The following STK17B variants were observed in gnomAD, a reference collection of about 807,000 sequenced individuals.
STK17B encodes the protein serine/threonine-protein kinase 17B.
STK17B carries 21 observed loss-of-function variants against 42.0 expected under a neutral mutation model. The ratio of observed to expected loss-of-function variants is 0.50; its 90% CI spans 0.35 to 0.72. STK17B has a LOEUF of 0.72. Among genes scored for constraint, STK17B ranks in the 30% least tolerant of loss-of-function variants. The pLI, the probability that STK17B is intolerant of heterozygous loss-of-function variation, is 0.00. For synonymous variants in STK17B, 143 were observed against 148.4 expected (o/e 0.96, Z 0.26); for missense variants, 349 against 446.0 (o/e 0.78, Z 1.96).
At chr2:196,140,914 A>C (rs1005238419) in intron 6 of STK17B, among the ~76,000 whole-genome samples, 1 of 152,152 alleles carries the variant, frequency 6.6e-6, no homozygotes, top group African/African-American at 2.4e-5. Flanking sequence ...GGAGCCCGGC[A>C]ATGGACTGTC....
chr2:196,149,240 C>T (rs1699628112), intron 3 of STK17B, among the ~76,000 whole-genome samples: 1 of 151,730 alleles, frequency 6.6e-6, no homozygotes, highest in African/African-American at 2.4e-5. Context: ...CTCTACTCAC[C>T]GCAACCTCCC....
chr2:196,174,779 C>T (rs1239544191), upstream of STK17B, among the ~76,000 whole-genome samples: 2 of 152,240 alleles, frequency 1.3e-5, no homozygotes, highest in East Asian at 3.8e-4. Context: ...GCACTGAGAA[C>T]CAGAGAGACT....
chr2:196,156,914 C>CTAA (rs1225659637), intron 2 of STK17B, among the ~76,000 whole-genome samples: 1 of 152,148 alleles, frequency 6.6e-6, no homozygotes, highest in Admixed American at 6.5e-5. Context: ...TAAAATGATA[C>CTAA]ATTATCTTGG....
upstream of STK17B, among the ~76,000 whole-genome samples, chr2:196,173,781 C>T (rs941755413): frequency 7.9e-5 from 12 of 152,156 alleles, no homozygotes; most frequent in African/African-American, 2.9e-4. Flanking sequence ...TGACACATTC[C>T]GACCAGGGAT....
chr2:196,145,939 T>C lies in STK17B; in HGVS notation c.452A>G (p.Gln151Arg). 6.3e-7 allele frequency: 1 copy of C among 1,591,944 alleles called. No homozygotes were observed. The highest frequency in any genetic ancestry group is 8.5e-7 in the Non-Finnish European group (1 of 1,174,264). The change falls in exon 4 of 8, where the codon CAG (glutamine) becomes CGG (arginine). Residue 151 changes from glutamine to arginine, a missense_variant. Around this residue, in one of 3 missense-constraint regions of STK17B, gnomAD observed 256 missense variants for 347.7 expected, o/e 0.74. Coordinates refer to ENST00000263955, the MANE Select transcript of STK17B (RefSeq NM_004226.4). ...QILEGVYYLH[Q>R]NNIVHLDLKP... ...TAAATCAAGGTGTACAATGTTATTC[T>C]GATGTAGATAATAAACTCCTTCAAG... is the stretch of plus-strand genomic sequence containing the variant.
chr2:196,145,233 G>A (rs967840797), intron 4 of STK17B, among the ~76,000 whole-genome samples: 1 of 151,864 alleles, frequency 6.6e-6, no homozygotes, highest in African/African-American at 2.4e-5. Flanking sequence ...TGTAGGTGGA[G>A]ATTTTTGAAT....
chr2:196,175,336 G>A (rs530999970), upstream of STK17B, among the ~76,000 whole-genome samples: 29 of 152,266 alleles, frequency 1.9e-4, no homozygotes, highest in South Asian at 5.2e-3. Context: ...ACAAACTAAA[G>A]TTTTTCACGC....
rs1699567834 is a variant in STK17B at position 196,145,991 on chromosome 2, C to T, written c.400G>A (p.Asp134Asn). The T allele has an allele frequency of 6.2e-7, 1 of 1,607,634 alleles. No homozygotes were observed. Residue 134 changes from aspartate to asparagine, a missense_variant, in exon 4 of 8, where the codon GAT (aspartate) becomes AAT (asparagine). Coordinates refer to ENST00000263955, the MANE Select transcript of STK17B (RefSeq NM_004226.4). Reference sequence around the variant, plus strand: ...ATTTGTTTAATGAGTCTGATAACATCATTTTCAGAAACCATTTCAGCCAAC... The same window carrying T: ...ATTTGTTTAATGAGTCTGATAACATTATTTTCAGAAACCATTTCAGCCAAC... The part of the protein sequence containing the change: ...PELAEMVSEN[D>N]VIRLIKQILE...
At position 196,146,515 on chromosome 2, in the gene STK17B, A is replaced by G. The variant is rs576313750; in HGVS notation, c.336-460T>C. 2.0e-5 allele frequency among the ~76,000 whole-genome samples: 3 copies of G among 152,288 alleles called. No homozygotes were observed. The South Asian group carries it at 6.2e-4, about 32-fold the overall frequency. Reference sequence around the variant, plus strand: ...CAAGACTCCGTCCCCAAAAAAAAGAAAAAAGAAAATAAGTGATGAGACTAT... The same window carrying G: ...CAAGACTCCGTCCCCAAAAAAAAGAGAAAAGAAAATAAGTGATGAGACTAT... On this transcript the variant is annotated intron_variant, in intron 3 of 7. Transcript: ENST00000263955.
chr2:196,154,760 A>T (rs1699716717), intron 3 of STK17B: 1 of 152,230 alleles, frequency 6.6e-6, no homozygotes, highest in South Asian at 2.1e-4. Flanking sequence ...TTTACCTTCA[A>T]CTGAGACTAC....
chr2:196,148,553 T>C (rs1699615214), intron 3 of STK17B, among the ~76,000 whole-genome samples: 1 of 152,216 alleles, frequency 6.6e-6, no homozygotes. Flanking sequence ...AAGATATAAA[T>C]ACTGATAATC....
rs193097690 is a variant in STK17B, at chr2:196,159,024, A to C, written c.123-2373T>G. ...AGACTGTGTCTCAAAAAAAAAAAAA[A>C]CAAAAAAACAGTTTTGTTAAAGAAG... On this transcript the variant is annotated intron_variant, in intron 2 of 7. Coordinates refer to ENST00000263955, the MANE Select transcript of STK17B (RefSeq NM_004226.4). 4.2e-3 allele frequency among the ~76,000 whole-genome samples: 637 copies of C among 151,228 alleles called. 6 individuals carry two copies. Among genetic ancestry groups the C allele is most frequent in the African/African-American group, 0.014 (583 of 41,090 alleles).
At position 196,156,513 on chromosome 2, in the gene STK17B, T is replaced by G; in HGVS notation, c.261A>C (p.Ala87=). 1 of 1,614,134 alleles carries G rather than the reference T, an allele frequency of 6.2e-7. No individual in the cohort carries two copies. Among genetic ancestry groups the G allele is most frequent in the Non-Finnish European group, 8.5e-7 (1 of 1,180,014 alleles). The change falls in exon 3 of 8, where the codon GCA becomes GCC. Residue 87 remains alanine, a synonymous_variant. Transcript: ENST00000263955. ...ILHEIAVLEL[A]KSCPRVINLH... ...GATTAATAACACGGGGACAAGACTTTGCCAATTCAAGCACAGCAATCTCGT... is the reference window on the plus strand; with the variant it reads ...GATTAATAACACGGGGACAAGACTTGGCCAATTCAAGCACAGCAATCTCGT...
intron 2 of STK17B, among the ~76,000 whole-genome samples, chr2:196,157,896 G>T (rs538872059): frequency 7.2e-5 from 11 of 152,228 alleles, no homozygotes; most frequent in Admixed American, 2.6e-4. Flanking sequence ...CTATTCTATT[G>T]ACTGCCTACC....
At chr2:196,146,164 G>A (rs371615469) in intron 3 of STK17B, 109 bp from the exon 4 acceptor site, 34 of 1,152,382 alleles carry the variant, frequency 3.0e-5, no homozygotes, top group South Asian at 4.2e-5. Flanking sequence ...ATGTTAATAC[G>A]TTACACTTAA....
rs1339547980 is a variant in STK17B at position 196,134,234 on chromosome 2, T to A, written c.*3213A>T. 1 of 152,178 alleles carries A rather than the reference T, an allele frequency of 6.6e-6. No homozygotes were observed. The highest frequency in any genetic ancestry group is 1.9e-4 in the East Asian group (1 of 5,196). The allele number at this position is 152,178 out of a possible 1,614,324, so 9.4% of individuals were successfully genotyped here. On this transcript the variant is annotated 3_prime_UTR_variant, in exon 8 of 8. Coordinates refer to ENST00000263955, the MANE Select transcript of STK17B (RefSeq NM_004226.4). The stretch of plus-strand genomic sequence containing the variant: ...TTGATAAAGGAAGCAATGTGTTGAT[T>A]TATATTCTGGCACAAGTACCTTATT...
chr2:196,164,485 A>C (rs1386080534), intron 1 of STK17B, among the ~76,000 whole-genome samples: 1 of 152,250 alleles, frequency 6.6e-6, no homozygotes, highest in East Asian at 1.9e-4. Context: ...TCATAAAACA[A>C]TAACAGATAC....
intron 3 of STK17B, among the ~76,000 whole-genome samples, chr2:196,149,443 C>T (rs571191708): frequency 1.3e-5 from 2 of 152,270 alleles, no homozygotes; most frequent in Non-Finnish European, 2.9e-5. Context: ...TGATTACAGG[C>T]ATGAGCCACT....
intron 2 of STK17B, among the ~76,000 whole-genome samples, chr2:196,158,664 T>C (rs532314875): frequency 2.6e-5 from 4 of 152,292 alleles, no homozygotes; most frequent in African/African-American, 9.6e-5. Flanking sequence ...AACTGTGAAA[T>C]GTGAATTCCT....
Sources: allele counts gnomAD v4.1 joint callset (sites outside exome capture counted in the v4.1 genomes callset), GRCh38; gene constraint gnomAD v4.1.1; regional missense constraint gnomAD v4.1.1; transcripts MANE v1.5; gene names NCBI Gene and HGNC (gene_info 2026-07-23, HGNC 2026-07-21).